The following ARHGEF7 variants were observed in gnomAD, a reference collection of about 807,000 sequenced individuals.
ARHGEF7 encodes PAK-interacting exchange factor beta.
Under a neutral mutation model 109.8 loss-of-function variants are expected in ARHGEF7, and 33 were observed. That is an observed-to-expected ratio of 0.30 (90% CI 0.23 to 0.40). The LOEUF (loss-of-function observed/expected upper bound fraction) is 0.40, where lower values mean the gene tolerates loss of function less well. ARHGEF7 is among the 10% of genes least tolerant of loss of function. The probability of loss-of-function intolerance (pLI) is 1.00; values close to 1 mark genes in which losing one functional copy is unlikely to be tolerated. For synonymous variants in ARHGEF7, 458 were observed against 424.6 expected (o/e 1.08, Z -0.97); for missense variants, 938 against 1,098.5 (o/e 0.85, Z 2.07).
chr13:111,250,620 T>A (rs2089628523), intron 8 of ARHGEF7, among the ~76,000 whole-genome samples: 1 of 152,136 alleles, frequency 6.6e-6, no homozygotes, highest in Admixed American at 6.5e-5. Context: ...TTTCCAGTGG[T>A]TCAGTTCTAT....
intron 9 of ARHGEF7, among the ~76,000 whole-genome samples, chr13:111,269,939 C>T (rs530887659): frequency 2.8e-4 from 43 of 152,360 alleles, no homozygotes; most frequent in Admixed American, 1.7e-3. Context: ...TAAGCTGCCA[C>T]ACCTGGGGTA....
At chr13:111,287,253 C>T (rs1288068417) in intron 17 of ARHGEF7, among the ~76,000 whole-genome samples, 1 of 152,220 alleles carries the variant, frequency 6.6e-6, no homozygotes, top group Non-Finnish European at 1.5e-5. Context: ...GATGGTGAGG[C>T]CCTGGGGTCT....
intron 5 of ARHGEF7, among the ~76,000 whole-genome samples, chr13:111,224,522 C>A (rs1193784653): frequency 6.6e-6 from 1 of 152,176 alleles, no homozygotes; most frequent in Non-Finnish European, 1.5e-5. Context: ...AAAGACATTT[C>A]TTTTAAATGC....
intron 2 of ARHGEF7, among the ~76,000 whole-genome samples, chr13:111,199,813 G>A (rs1013278090): frequency 6.6e-6 from 1 of 152,170 alleles, no homozygotes; most frequent in East Asian, 1.9e-4. Flanking sequence ...AGTGCTGGGT[G>A]CCCAGGAACA....
chr13:111,119,548 G>A (rs1217741731), intron 1 of ARHGEF7, among the ~76,000 whole-genome samples: 1 of 152,168 alleles, frequency 6.6e-6, no homozygotes, highest in Non-Finnish European at 1.5e-5. Flanking sequence ...TGGATGAGAA[G>A]GAGCAAAAGA....
At position 111,303,119 on chromosome 13, in the gene ARHGEF7, G is replaced by A. The variant is rs78138284; in HGVS notation, c.*6G>A. 7,099 of 1,604,200 alleles carry A rather than the reference G, an allele frequency of 4.4e-3. 292 individuals are homozygous for A. In the African/African-American group the frequency reaches 0.085, roughly 19 times the overall value. On this transcript the variant is annotated 3_prime_UTR_variant, in exon 22 of 22. Transcript: ENST00000646102. ...GGGATGAGACCAATCTATAAGGGAT[G>A]TCCTCAGTTCTTTCTGTTGAAGACC...
chr13:111,273,027 A>G lies in ARHGEF7; in HGVS notation c.1074-787A>G, dbSNP rs9560026. ...CTGTGAAGGGGATGGTTGAAGAGGA[A>G]TACAGAAAGTTCTAAAACTTGTTTC... is the stretch of plus-strand genomic sequence containing the variant. On this transcript the variant is annotated intron_variant, in intron 9 of 21. Coordinates refer to ENST00000646102, the MANE Select transcript of ARHGEF7 (RefSeq NM_001354046.2). This position sits in a 1 kb window ranked among gnomAD's most constrained non-coding sequence, Gnocchi z 4.5. Among the ~76,000 whole-genome samples, 1 of 152,222 alleles carries G rather than the reference A, an allele frequency of 6.6e-6. No individual in the cohort carries two copies. Among genetic ancestry groups the G allele is most frequent in the East Asian group, 1.9e-4 (1 of 5,156 alleles).
intron 18 of ARHGEF7, among the ~76,000 whole-genome samples, chr13:111,289,629 C>T (rs543678422): frequency 1.3e-5 from 2 of 151,732 alleles, no homozygotes; most frequent in South Asian, 4.1e-4. Flanking sequence ...TAATCACCTG[C>T]AGTGTGGTGG....
At chr13:111,262,752 C>A (rs2091242119) in intron 8 of ARHGEF7, among the ~76,000 whole-genome samples, 1 of 152,118 alleles carries the variant, frequency 6.6e-6, no homozygotes, top group Non-Finnish European at 1.5e-5. Flanking sequence ...CCTTGGGTAC[C>A]CCCTTTCACC....
In ARHGEF7 at chr13:111,115,539, G is replaced by C. The variant is rs1303062035; in HGVS notation, c.13G>C (p.Glu5Gln). The change falls in exon 1 of 22, where the codon GAG becomes CAG. Residue 5 changes from glutamate (E) to glutamine (Q), a missense_variant. This residue lies in a region of ARHGEF7 where 165 missense variants were observed against 125.8 expected (regional missense o/e 1.31). Transcript: ENST00000646102. ...CCGGGCCGCAGCGATGAATTCCGCC[G>C]AGCAAACCGTTACGTGGCTCATCAC... MNSA[E>Q]QTVTWLITLG... The C allele has an allele frequency of 1.5e-6, 2 of 1,371,572 alleles. No homozygotes were observed. The highest frequency in any genetic ancestry group is 1.9e-6 in the Non-Finnish European group (2 of 1,040,622). The allele number at this position is 1,371,572 out of a possible 1,614,324, so 85.0% of individuals were successfully genotyped here. A position where few individuals can be genotyped will look rare whatever the true frequency, so the allele number is the denominator to read the frequency against.
intron 16 of ARHGEF7, among the ~76,000 whole-genome samples, chr13:111,285,000 T>A (rs947941182): frequency 2.0e-5 from 3 of 152,260 alleles, no homozygotes; most frequent in African/African-American, 2.4e-5. Flanking sequence ...TTCTAAGAGC[T>A]TTCCAATTTT....
At position 111,133,787 on chromosome 13, in the gene ARHGEF7, ATATATATATATATATATATAT is replaced by A. The variant is rs2074928578; in HGVS notation, c.165+18097_165+18117del. ...TTTATATATATATATATATATATAT[ATATATATATATATATATATAT>A]ATATATTTATTATACTTTAAGTTCT... On this transcript the variant is annotated intron_variant, in intron 1 of 21. Coordinates refer to ENST00000646102, the MANE Select transcript of ARHGEF7 (RefSeq NM_001354046.2). 3.9e-5 allele frequency among the ~76,000 whole-genome samples: 4 copies of A among 102,188 alleles called. 1 individual carries two copies. Among genetic ancestry groups the A allele is most frequent in the African/African-American group, 1.6e-4 (4 of 24,552 alleles). The allele number at this position is 102,188 out of a possible 152,430, so 67.0% of individuals were successfully genotyped here.
chr13:111,263,512 T>C (rs763855871), intron 8 of ARHGEF7, among the ~76,000 whole-genome samples: 5 of 152,244 alleles, frequency 3.3e-5, no homozygotes, highest in Non-Finnish European at 5.9e-5. Context: ...GATGAAATCT[T>C]AGCATAGCCC....
intron 6 of ARHGEF7, among the ~76,000 whole-genome samples, chr13:111,237,260 A>G (rs2153533969): frequency 6.6e-6 from 1 of 152,372 alleles, no homozygotes; most frequent in East Asian, 1.9e-4. Context: ...AGACAAATAC[A>G]TGAAGATTAA....
rs548614701 is a variant in ARHGEF7, at chr13:111,272,330, C to T, written c.1074-1484C>T. ...GCCAAAACACTGTCTGTCTTTTCCC[C>T]GGGAGCCCTTGATGGTTCTGGTGTC... On this transcript the variant is annotated intron_variant, in intron 9 of 21. Coordinates refer to ENST00000646102, the MANE Select transcript of ARHGEF7 (RefSeq NM_001354046.2). This position sits in a 1 kb window ranked among gnomAD's most constrained non-coding sequence, Gnocchi z 5.2. 5.9e-5 allele frequency among the ~76,000 whole-genome samples: 9 copies of T among 152,286 alleles called. No homozygotes were observed. The South Asian group carries it at 6.2e-4, about 11-fold the overall frequency.
chr13:111,219,777 T>C (rs1049656942), intron 5 of ARHGEF7, among the ~76,000 whole-genome samples: 4 of 152,238 alleles, frequency 2.6e-5, no homozygotes, highest in Non-Finnish European at 5.9e-5. Flanking sequence ...AGAATTTTTT[T>C]CCGGCTGCTT....
At chr13:111,192,530 C>T (rs1355529493) in intron 2 of ARHGEF7, among the ~76,000 whole-genome samples, 1 of 152,174 alleles carries the variant, frequency 6.6e-6, no homozygotes, top group African/African-American at 2.4e-5. Context: ...ATGGACTGAG[C>T]CCCATTTTGT....
At chr13:111,181,283 G>C (rs529452710) in intron 2 of ARHGEF7, among the ~76,000 whole-genome samples, 2 of 152,266 alleles carry the variant, frequency 1.3e-5, no homozygotes, top group East Asian at 3.9e-4. Flanking sequence ...GTGTATTAAG[G>C]GTTTCAAGTT....
At chr13:111,174,588 G>A (rs2077938266) in intron 2 of ARHGEF7, among the ~76,000 whole-genome samples, 1 of 152,212 alleles carries the variant, frequency 6.6e-6, no homozygotes, top group Non-Finnish European at 1.5e-5. Context: ...GGCATACGTG[G>A]CTTAGTTCAC....
Sources: gnomAD v4.1 joint callset for allele counts (sites outside exome capture counted in the v4.1 genomes callset) on GRCh38, gnomAD v4.1.1 for gene constraint, gnomAD v4.1.1 regional missense constraint, Gnocchi (gnomAD v3.1) non-coding constraint, MANE v1.5 for transcripts, NCBI Gene and HGNC (gene_info 2026-07-23, HGNC 2026-07-21) for gene names.